Variants in THADA observed in about 807,000 individuals in gnomAD.
The protein encoded by THADA is tRNA (32-2'-O)-methyltransferase regulator THADA.
THADA carries 213 observed loss-of-function variants against 219.8 expected under a neutral mutation model. The ratio of observed to expected loss-of-function variants is 0.97; its 90% CI spans 0.87 to 1.09. The LOEUF (loss-of-function observed/expected upper bound fraction) is 1.09. THADA is among the 50% of genes least tolerant of loss of function. The probability of loss-of-function intolerance (pLI) is 0.00; values close to 1 mark genes in which losing one functional copy is unlikely to be tolerated. For missense variants in THADA, 2,956 were observed against 2,311.3 expected, an observed-to-expected ratio of 1.28 and a Z score of -5.72; for synonymous variants, 1,018 against 828.9, an observed-to-expected ratio of 1.23 and a Z score of -3.92.
chr2:43,590,721 G>T, intron 4 of THADA, 103 bp downstream of exon 4: 4 of 1,152,544 alleles, frequency 3.5e-6, no homozygotes, highest in Admixed American at 2.4e-5. Flanking sequence ...AACTTTTTGT[G>T]ATCTGTATCA....
At chr2:43,406,162 AAC>A (rs1192930148) in intron 28 of THADA, among the ~76,000 whole-genome samples, 2 of 152,238 alleles carry the variant, frequency 1.3e-5, no homozygotes, top group Non-Finnish European at 2.9e-5. Flanking sequence ...ACGTGGCAGA[AAC>A]ACAGTCCCAG....
chr2:43,509,797 A>T (rs2105100495), intron 22 of THADA, among the ~76,000 whole-genome samples: 1 of 152,328 alleles, frequency 6.6e-6, no homozygotes, highest in Admixed American at 6.5e-5. Context: ...AAAGTTTGAC[A>T]TGGGCCTAAA....
rs1020099588 is a variant in THADA, at chr2:43,475,204, C to A, written c.3836+10030G>T. Among the ~76,000 whole-genome samples the A allele has an allele frequency of 6.6e-5, 10 of 152,076 alleles. No individual in the cohort carries two copies. In the East Asian group the frequency reaches 1.2e-3, roughly 18 times the overall value. On this transcript the variant is annotated intron_variant, in intron 26 of 37. Coordinates refer to ENST00000405975, the MANE Select transcript of THADA (RefSeq NM_022065.5). Reference sequence around the variant, plus strand: ...GGCTGAGGTGGGTGGATCACTTGAGCTCAGGAATTTGAGACCAGCCTGGGC... The same window carrying A: ...GGCTGAGGTGGGTGGATCACTTGAGATCAGGAATTTGAGACCAGCCTGGGC...
At chr2:43,317,739 T>C (rs1678240280) in intron 31 of THADA, among the ~76,000 whole-genome samples, 2 of 152,254 alleles carry the variant, frequency 1.3e-5, no homozygotes, top group East Asian at 1.9e-4. Context: ...GGATGTATTA[T>C]ATGAACATGA....
At chr2:43,481,088 A>G (rs1477798365) in intron 26 of THADA, among the ~76,000 whole-genome samples, 1 of 152,210 alleles carries the variant, frequency 6.6e-6, no homozygotes, top group Non-Finnish European at 1.5e-5. Flanking sequence ...CCTAGAAAAC[A>G]TGAAGAACAG....
chr2:43,287,493 C>A (rs746254369), intron 34 of THADA, among the ~76,000 whole-genome samples: 3 of 152,162 alleles, frequency 2.0e-5, no homozygotes, highest in Non-Finnish European at 2.9e-5. Context: ...GACAGGGTTT[C>A]GCCATGTTGG....
At chr2:43,435,057 G>T (rs1161968172) in intron 26 of THADA, among the ~76,000 whole-genome samples, 1 of 152,174 alleles carries the variant, frequency 6.6e-6, no homozygotes, top group Non-Finnish European at 1.5e-5. Flanking sequence ...CACCTTGTGA[G>T]GGGGACTCAC....
At chr2:43,513,222 A>G (rs182191577) in intron 22 of THADA, among the ~76,000 whole-genome samples, 44 of 152,336 alleles carry the variant, frequency 2.9e-4, no homozygotes, top group African/African-American at 9.9e-4. Flanking sequence ...GCAAGTATTA[A>G]AAGTTTCAAT....
At chr2:43,499,090 G>C (rs1228480842) in intron 24 of THADA, 135 bp from the exon 25 acceptor site, 2 of 962,658 alleles carry the variant, frequency 2.1e-6, no homozygotes, top group Non-Finnish European at 3.0e-6. Context: ...AAATGAAATA[G>C]CAGATTTAAT....
chr2:43,553,803 T>C (rs13000971), intron 17 of THADA, among the ~76,000 whole-genome samples: 51,962 of 152,050 alleles, frequency 0.34, 9,202 homozygotes, highest in South Asian at 0.42. Context: ...TTTTAAATTA[T>C]AGTCATCCTA....
chr2:43,535,910 T>C (rs982150822), intron 21 of THADA, among the ~76,000 whole-genome samples: 1 of 151,986 alleles, frequency 6.6e-6, no homozygotes, highest in African/African-American at 2.4e-5. Flanking sequence ...GTTCAAGCGA[T>C]TCTCCTGCCT....
At chr2:43,481,586 T>C (rs1306575972) in intron 26 of THADA, among the ~76,000 whole-genome samples, 1 of 152,224 alleles carries the variant, frequency 6.6e-6, no homozygotes, top group African/African-American at 2.4e-5. Context: ...TGTTCATCAC[T>C]CACATCACAT....
chr2:43,265,399 A>T (rs1671406094), intron 36 of THADA, among the ~76,000 whole-genome samples: 1 of 152,242 alleles, frequency 6.6e-6, no homozygotes, highest in East Asian at 1.9e-4. Flanking sequence ...GAGAGGTTAG[A>T]GAAATAATAA....
In THADA at chr2:43,552,269, T is replaced by C; in HGVS notation, c.2745A>G (p.Ala915=). ...CTCGCCCATACATTGGAAATGCTGCTGCTGCCTGAAGCAGAGAATTTTCAG... is the reference window on the plus strand; with the variant it reads ...CTCGCCCATACATTGGAAATGCTGCCGCTGCCTGAAGCAGAGAATTTTCAG... ...SQAENSLLQA[A]AAFPMYGRVH... The change falls in exon 18 of 38, where the codon GCA becomes GCG. Residue 915 remains alanine (A), a synonymous_variant. Transcript: ENST00000405975. The C allele has an allele frequency of 6.2e-7, 1 of 1,611,752 alleles. No homozygotes were observed.
At chr2:43,375,635 T>G (rs1671284833) in intron 29 of THADA, among the ~76,000 whole-genome samples, 1 of 152,132 alleles carries the variant, frequency 6.6e-6, no homozygotes, top group Non-Finnish European at 1.5e-5. Context: ...CAGAGGAAAA[T>G]TTTGTAAATG....
rs374757824 is a variant in THADA at position 43,572,923 on chromosome 2, C to T, written c.1799G>A (p.Cys600Tyr). ...TCCATGAGCTCTAGCTATTCGCAGACATGCCATCAAAGCTCCCAGAGCCCC... is the reference window on the plus strand; with the variant it reads ...TCCATGAGCTCTAGCTATTCGCAGATATGCCATCAAAGCTCCCAGAGCCCC... The part of the protein sequence containing the change: ...SRGALGALMA[C>Y]LRIARAHGHL... Residue 600 changes from cysteine to tyrosine, a missense_variant, in exon 12 of 38, where the codon TGT (cysteine) becomes TAT (tyrosine). Cys to Tyr is a radical substitution (Grantham distance 194). Coordinates refer to ENST00000405975, the MANE Select transcript of THADA (RefSeq NM_022065.5). 1.2e-6 allele frequency: 2 copies of T among 1,613,996 alleles called. No homozygotes were observed. The highest frequency in any genetic ancestry group is 1.7e-6 in the Non-Finnish European group (2 of 1,179,864).
intron 28 of THADA, among the ~76,000 whole-genome samples, chr2:43,425,267 A>G (rs990426441): frequency 3.3e-5 from 5 of 152,078 alleles, no homozygotes; most frequent in Non-Finnish European, 7.4e-5. Context: ...TGACCAGTTC[A>G]ATACTTGGCA....
intron 29 of THADA, among the ~76,000 whole-genome samples, chr2:43,361,677 CTG>C (rs1669546919): frequency 6.6e-6 from 1 of 152,230 alleles, no homozygotes; most frequent in African/African-American, 2.4e-5. Flanking sequence ...GTCCCAGAAA[CTG>C]TGCTTTCTGA....
chr2:43,567,789 A>G (rs970164302), intron 14 of THADA, among the ~76,000 whole-genome samples: 1 of 152,260 alleles, frequency 6.6e-6, no homozygotes, highest in Non-Finnish European at 1.5e-5. Flanking sequence ...TATCCTACAT[A>G]CATAGTAATG....
Sources: gnomAD v4.1 joint callset for allele counts (sites outside exome capture counted in the v4.1 genomes callset) on GRCh38, gnomAD v4.1.1 for gene constraint, MANE v1.5 for transcripts, NCBI Gene and HGNC (gene_info 2026-07-23, HGNC 2026-07-21) for gene names.